WDFY2: variants seen among roughly 807,000 people sequenced by gnomAD.
The protein encoded by WDFY2 is WD repeat and FYVE domain containing 2, also known as WD repeat and FYVE domain-containing protein 2.
Under a neutral mutation model 56.4 loss-of-function variants are expected in WDFY2, and 36 were observed. The ratio of observed to expected loss-of-function variants is 0.64; its 90% confidence interval spans 0.49 to 0.84. WDFY2 has a LOEUF of 0.84. WDFY2 is among the 40% of genes least tolerant of loss of function. WDFY2 has a pLI of 0.00. For missense variants in WDFY2, 444 were observed against 512.2 expected (o/e 0.87, Z 1.29); for synonymous variants, 176 against 183.7 (o/e 0.96, Z 0.34).
chr13:51,735,667 A>T (rs1952819028), intron 6 of WDFY2, among the ~76,000 whole-genome samples: 1 of 152,240 alleles, frequency 6.6e-6, no homozygotes, highest in Non-Finnish European at 1.5e-5. Flanking sequence ...AGCCTAGCAC[A>T]GTTCCTCCAC....
chr13:51,679,558 TTGAC>T (rs1203491108), intron 3 of WDFY2, among the ~76,000 whole-genome samples: 7 of 152,164 alleles, frequency 4.6e-5, no homozygotes, highest in Non-Finnish European at 8.8e-5. Context: ...ATAACTGACA[TTGAC>T]TGTGTATGGA....
At chr13:51,634,161 T>G (rs1302238461) in intron 1 of WDFY2, among the ~76,000 whole-genome samples, 1 of 152,236 alleles carries the variant, frequency 6.6e-6, no homozygotes, top group Non-Finnish European at 1.5e-5. Flanking sequence ...TAAATAATTC[T>G]CAGGTCATTA....
At chr13:51,637,198 G>T in intron 1 of WDFY2, among the ~76,000 whole-genome samples, 1 of 152,154 alleles carries the variant, frequency 6.6e-6, no homozygotes, top group Non-Finnish European at 1.5e-5. Context: ...GATGAGTTAG[G>T]GCAGGGATTT....
intron 4 of WDFY2, among the ~76,000 whole-genome samples, chr13:51,708,763 A>G (rs774190424): frequency 1.3e-5 from 2 of 152,214 alleles, no homozygotes; most frequent in East Asian, 1.9e-4. Context: ...AGTATAAACT[A>G]TAAGAAGTGT....
intron 4 of WDFY2, among the ~76,000 whole-genome samples, chr13:51,706,832 ACAAG>A (rs1200504569): frequency 1.3e-5 from 2 of 152,204 alleles, no homozygotes; most frequent in South Asian, 4.1e-4. Context: ...TGTAAAACTA[ACAAG>A]CAATCAATCC....
At chr13:51,720,829 C>A (rs1952470545) in intron 5 of WDFY2, among the ~76,000 whole-genome samples, 1 of 152,034 alleles carries the variant, frequency 6.6e-6, no homozygotes, top group African/African-American at 2.4e-5. Flanking sequence ...CTCTCTGTGG[C>A]CTTTTTTTTT....
chr13:51,695,101 T>G (rs1026639837), intron 3 of WDFY2, among the ~76,000 whole-genome samples: 3 of 152,198 alleles, frequency 2.0e-5, no homozygotes, highest in Non-Finnish European at 4.4e-5. Flanking sequence ...TTTTCAAAGT[T>G]TTCAACTTCT....
In WDFY2 at chr13:51,751,749, C is replaced by CA. The variant is rs372300056; in HGVS notation, c.831+335dup. Among the ~76,000 whole-genome samples, 754 of 152,224 alleles carry CA rather than the reference C, an allele frequency of 5.0e-3. 5 individuals are homozygous for CA. The highest frequency in any genetic ancestry group is 0.014 in the African/African-American group (592 of 41,530). On this transcript the variant is annotated intron_variant, in intron 8 of 11. Transcript: ENST00000298125. Reference sequence around the variant, plus strand: ...AAATGCACTACAAAAACGGAGGACTCACGTGATTTATGTCATGGAAGAAAA... The same window carrying CA: ...AAATGCACTACAAAAACGGAGGACTCAACGTGATTTATGTCATGGAAGAAAA...
At chr13:51,694,969 C>T (rs1156545471) in intron 3 of WDFY2, among the ~76,000 whole-genome samples, 23 of 152,288 alleles carry the variant, frequency 1.5e-4, no homozygotes, top group Admixed American at 7.8e-4. Context: ...TCCAGTTGAT[C>T]GCATCGGCTC....
chr13:51,643,057 A>G (rs567766413), intron 1 of WDFY2, among the ~76,000 whole-genome samples: 119 of 152,020 alleles, frequency 7.8e-4, no homozygotes, highest in African/African-American at 2.7e-3. Context: ...TCATTCTGCT[A>G]TTTTCCTTTT....
intron 1 of WDFY2, among the ~76,000 whole-genome samples, chr13:51,658,374 G>A (rs958940559): frequency 6.6e-6 from 1 of 152,142 alleles, no homozygotes; most frequent in Admixed American, 6.6e-5. Flanking sequence ...ACAATAGCCA[G>A]CCTTTGCTTA....
chr13:51,678,290 T>C (rs1428705989), intron 3 of WDFY2, among the ~76,000 whole-genome samples: 1 of 152,198 alleles, frequency 6.6e-6, no homozygotes, highest in Non-Finnish European at 1.5e-5. Context: ...CCTTTATTCA[T>C]CTCTCCTCTG....
chr13:51,717,508 T>TC (rs953927775), intron 4 of WDFY2, among the ~76,000 whole-genome samples: 1 of 151,942 alleles, frequency 6.6e-6, no homozygotes, highest in Admixed American at 6.6e-5. Context: ...GCTACTGTCA[T>TC]CCCCTTGGGC....
chr13:51,601,058 C>G (rs964379652), intron 1 of WDFY2, among the ~76,000 whole-genome samples: 44 of 152,110 alleles, frequency 2.9e-4, no homozygotes, highest in African/African-American at 1.0e-3. Flanking sequence ...TGTTATGGGA[C>G]AAATTTTAGC....
chr13:51,748,828 C>CT (rs1953162847), intron 7 of WDFY2, among the ~76,000 whole-genome samples: 1 of 151,244 alleles, frequency 6.6e-6, no homozygotes, highest in African/African-American at 2.5e-5. Context: ...CATCTTATAC[C>CT]TTTTTTTCAG....
chr13:51,617,582 C>G (rs138861909), intron 1 of WDFY2, among the ~76,000 whole-genome samples: 1 of 152,278 alleles, frequency 6.6e-6, no homozygotes, highest in Non-Finnish European at 1.5e-5. Context: ...TCCTCAAGGA[C>G]TCAACTCTTG....
intron 1 of WDFY2, among the ~76,000 whole-genome samples, chr13:51,603,804 A>G (rs1294239293): frequency 6.6e-6 from 1 of 152,238 alleles, no homozygotes; most frequent in Non-Finnish European, 1.5e-5. Context: ...ATGGATATGA[A>G]AAAAATCTTT....
intron 1 of WDFY2, among the ~76,000 whole-genome samples, chr13:51,660,038 T>G (rs1955581631): frequency 6.6e-6 from 1 of 152,236 alleles, no homozygotes; most frequent in African/African-American, 2.4e-5. Context: ...ACTATCATGA[T>G]TACACATGTG....
rs578002191 is a variant in WDFY2 at position 51,761,810 on chromosome 13, A to C, written c.*2041A>C. 1 of 152,308 alleles carries C rather than the reference A, an allele frequency of 6.6e-6. No individual in the cohort carries two copies. The highest frequency in any genetic ancestry group is 1.9e-4 in the East Asian group (1 of 5,166). 9.4% of individuals were successfully genotyped at this position (152,308 alleles called of 1,614,324 possible). On this transcript the variant is annotated 3_prime_UTR_variant, in exon 12 of 12. Coordinates refer to ENST00000298125, the MANE Select transcript of WDFY2 (RefSeq NM_052950.4). ...GCCCCATGCAGCCACGGTACATGGA[A>C]GCTGTCACTTGAGCCATCAGACCGG...
Sources: gnomAD v4.1 joint callset for allele counts (sites outside exome capture counted in the v4.1 genomes callset) on GRCh38, gnomAD v4.1.1 for gene constraint, MANE v1.5 for transcripts, NCBI Gene and HGNC (gene_info 2026-07-23, HGNC 2026-07-21) for gene names.